The following LYPD6B variants were observed in gnomAD, a reference collection of about 807,000 sequenced individuals.
The protein encoded by LYPD6B is ly6/PLAUR domain-containing protein 6B.
Under a neutral mutation model 22.8 loss-of-function variants are expected in LYPD6B, and 17 were observed. That is an observed-to-expected ratio of 0.75 (90% CI 0.51 to 1.12). The LOEUF (loss-of-function observed/expected upper bound fraction) is 1.12. Ranked by LOEUF, LYPD6B falls within the 50% of genes most tolerant of loss-of-function variation. The probability of loss-of-function intolerance (pLI) is 0.00; values close to 1 mark genes in which losing one functional copy is unlikely to be tolerated. For synonymous variants in LYPD6B, 106 were observed against 91.6 expected (o/e 1.16, Z -0.90); for missense variants, 221 against 258.3 (o/e 0.86, Z 0.99).
intron 1 of LYPD6B, among the ~76,000 whole-genome samples, chr2:149,066,250 A>G (rs559006255): frequency 1.3e-5 from 2 of 151,962 alleles, no homozygotes; most frequent in East Asian, 3.9e-4. Context: ...ATATGTATAC[A>G]TGTGCCATGT....
At chr2:149,156,666 G>T (rs536300400) in intron 2 of LYPD6B, among the ~76,000 whole-genome samples, 1 of 152,160 alleles carries the variant, frequency 6.6e-6, no homozygotes, top group African/African-American at 2.4e-5. Context: ...CTATTGGATT[G>T]GATTAGGGCC....
Position 149,160,754 on chromosome 2 carries a change from T to C in LYPD6B, c.6-10T>C, listed in dbSNP as rs933024462. Reference sequence around the variant, plus strand: ...GTGGCTCTTTCCTTATCTTTTTTTATCTCTGGTAGGCTGATTACTCTGAGT... The same window carrying C: ...GTGGCTCTTTCCTTATCTTTTTTTACCTCTGGTAGGCTGATTACTCTGAGT... On this transcript the variant is annotated splice_polypyrimidine_tract_variant and intron_variant, in intron 2 of 6. Transcript: ENST00000409642. 6.5e-7 allele frequency: 1 copy of C among 1,548,464 alleles called. No individual in the cohort carries two copies. The highest frequency in any genetic ancestry group is 8.7e-7 in the Non-Finnish European group (1 of 1,143,254).
intron 1 of LYPD6B, among the ~76,000 whole-genome samples, chr2:149,106,902 A>G (rs1325896509): frequency 1.3e-5 from 2 of 151,910 alleles, no homozygotes; most frequent in Non-Finnish European, 2.9e-5. Context: ...TTTTTTTTCA[A>G]TACCAATACA....
At chr2:149,205,184 C>T in intron 3 of LYPD6B, 69 bp from the exon 4 acceptor site, 2 of 1,509,968 alleles carry the variant, frequency 1.3e-6, no homozygotes, top group Non-Finnish European at 8.9e-7. Flanking sequence ...GCTTTCCAAA[C>T]AGAAGCAAAA....
chr2:149,041,487 C>A (rs779806711), intron 1 of LYPD6B, among the ~76,000 whole-genome samples: 1 of 152,162 alleles, frequency 6.6e-6, no homozygotes, highest in Non-Finnish European at 1.5e-5. Flanking sequence ...GAAGAGGGGC[C>A]CATGATTGTT....
intron 1 of LYPD6B, among the ~76,000 whole-genome samples, chr2:149,064,824 A>G (rs1479069611): frequency 1.3e-5 from 2 of 152,188 alleles, no homozygotes; most frequent in Admixed American, 1.3e-4. Flanking sequence ...AGGGGCTGTC[A>G]CTGCCTGGAA....
intron 2 of LYPD6B, among the ~76,000 whole-genome samples, chr2:149,133,477 C>A (rs1184999522): frequency 6.6e-6 from 1 of 152,168 alleles, no homozygotes; most frequent in Non-Finnish European, 1.5e-5. Flanking sequence ...ACTTCAAGAT[C>A]ACAACTAGGC....
At chr2:149,203,287 T>C (rs1234430760) in intron 3 of LYPD6B, among the ~76,000 whole-genome samples, 1 of 152,214 alleles carries the variant, frequency 6.6e-6, no homozygotes, top group Non-Finnish European at 1.5e-5. Flanking sequence ...CACTGAAACC[T>C]GTATCTTAGG....
chr2:149,086,601 G>A (rs1435501878), intron 1 of LYPD6B, among the ~76,000 whole-genome samples: 2 of 152,196 alleles, frequency 1.3e-5, no homozygotes, highest in Non-Finnish European at 2.9e-5. Flanking sequence ...GCTGTCCTAG[G>A]GAAGGTATTG....
At chr2:149,080,699 A>G (rs1685081292) in intron 1 of LYPD6B, among the ~76,000 whole-genome samples, 1 of 152,044 alleles carries the variant, frequency 6.6e-6, no homozygotes, top group Admixed American at 6.6e-5. Flanking sequence ...AAAATCAGCC[A>G]GGTGTGGTGG....
intron 3 of LYPD6B, among the ~76,000 whole-genome samples, chr2:149,184,906 AT>A (rs966617927): frequency 8.6e-5 from 13 of 152,032 alleles, no homozygotes; most frequent in East Asian, 3.8e-4. Flanking sequence ...CTGTACAAGC[AT>A]TTTTTTTCCT....
chr2:149,069,538 G>A (rs1457568165), intron 1 of LYPD6B, among the ~76,000 whole-genome samples: 2 of 152,132 alleles, frequency 1.3e-5, no homozygotes, highest in Non-Finnish European at 2.9e-5. Context: ...TTGGCTGATA[G>A]CATCTTATTT....
chr2:149,199,181 T>C (rs990773467), intron 3 of LYPD6B, among the ~76,000 whole-genome samples: 3 of 152,202 alleles, frequency 2.0e-5, no homozygotes, highest in Admixed American at 2.0e-4. Flanking sequence ...ATTTTACTTA[T>C]GTAATTGTGC....
In LYPD6B at chr2:149,130,874, T is replaced by G; in HGVS notation, c.-66-9T>G. The G allele has an allele frequency of 9.1e-7, 1 of 1,100,706 alleles. No individual in the cohort carries two copies. The highest frequency in any genetic ancestry group is 1.4e-6 in the Non-Finnish European group (1 of 718,560). 68.2% of individuals were successfully genotyped at this position (1,100,706 alleles called of 1,614,324 possible). On this transcript the variant is annotated splice_polypyrimidine_tract_variant and intron_variant, in intron 1 of 6. Transcript: ENST00000409642. ...TCATAATGATACCTTTTCATGTTCA[T>G]TTGTTTAGATATGCCACACTTCTGC...
At chr2:149,148,881 C>A (rs1170091968) in intron 2 of LYPD6B, among the ~76,000 whole-genome samples, 1 of 152,152 alleles carries the variant, frequency 6.6e-6, no homozygotes, top group African/African-American at 2.4e-5. Context: ...TTACAGACTT[C>A]TACAGCCTGC....
intron 2 of LYPD6B, among the ~76,000 whole-genome samples, chr2:149,137,041 A>T (rs1008881303): frequency 6.6e-6 from 1 of 152,206 alleles, no homozygotes; most frequent in Non-Finnish European, 1.5e-5. Flanking sequence ...AAAGGCAATG[A>T]GTAGTTGTGT....
chr2:149,171,876 C>G (rs1690851857), intron 3 of LYPD6B, among the ~76,000 whole-genome samples: 1 of 152,020 alleles, frequency 6.6e-6, no homozygotes, highest in African/African-American at 2.4e-5. Flanking sequence ...ATTGTGATTC[C>G]CCTCCATCCT....
At chr2:149,135,249 T>TTAA (rs1688285044) in intron 2 of LYPD6B, among the ~76,000 whole-genome samples, 1 of 136,806 alleles carries the variant, frequency 7.3e-6, no homozygotes. Flanking sequence ...TGTCTCAAAT[T>TTAA]AAAAAAAAAA....
intron 1 of LYPD6B, among the ~76,000 whole-genome samples, chr2:149,058,739 C>T (rs1683921417): frequency 6.6e-6 from 1 of 152,200 alleles, no homozygotes. Context: ...CCTGCCTCAG[C>T]CTCCCTAGTA....
Sources: allele counts gnomAD v4.1 joint callset (sites outside exome capture counted in the v4.1 genomes callset), GRCh38; gene constraint gnomAD v4.1.1; transcripts MANE v1.5; gene names NCBI Gene and HGNC (gene_info 2026-07-23, HGNC 2026-07-21).